Variants in VAC14 observed in about 807,000 individuals in gnomAD.
VAC14 encodes the protein VAC14 component of PIKFYVE complex, also known as protein VAC14 homolog.
In VAC14, 47 loss-of-function variants were observed where a neutral mutation model predicts 85.3. That is an observed-to-expected ratio of 0.55 (90% CI 0.44 to 0.70). VAC14 has a LOEUF of 0.70. Among genes scored for constraint, VAC14 ranks in the 30% least tolerant of loss-of-function variants. VAC14 has a pLI of 0.00. For missense variants in VAC14, 861 were observed against 1,004.3 expected (o/e 0.86, Z 1.93); for synonymous variants, 447 against 430.5 (o/e 1.04, Z -0.47).
At chr16:70,761,018 T>TGTGTGTGTGTGTGTGTGTGTGC (rs1555523169) in intron 12 of VAC14, 1 of 267,786 alleles carries the variant, frequency 3.7e-6, no homozygotes, top group East Asian at 1.1e-4. Context: ...TGTGTGTGTG[T>TGTGTGTGTGTGTGTGTGTGTGC]GCATGGGGGG....
chr16:70,786,144 A>AAGGC, intron 2 of VAC14, 71 bp downstream of exon 2: 1 of 1,570,844 alleles, frequency 6.4e-7, no homozygotes, highest in Non-Finnish European at 8.6e-7. Context: ...CTTGACAGGG[A>AAGGC]AGGCATCGGG....
chr16:70,770,877 G>A (rs1030132671), intron 10 of VAC14: 1 of 152,184 alleles, frequency 6.6e-6, no homozygotes, highest in Non-Finnish European at 1.5e-5. Context: ...CTGCACCTGC[G>A]TGCTTGGAAA....
At chr16:70,736,445 C>G (rs1368236046) in intron 13 of VAC14, among the ~76,000 whole-genome samples, 1 of 152,160 alleles carries the variant, frequency 6.6e-6, no homozygotes, top group Non-Finnish European at 1.5e-5. Context: ...AGTGCTCTAT[C>G]AGGATGCTCT....
Position 70,761,016 on chromosome 16 carries a change from T to TGTGTGTGTGTGTGTGTGTGTGC in VAC14, c.1371+1523_1371+1524insGCACACACACACACACACACAC, listed in dbSNP as rs1413571677. The TGTGTGTGTGTGTGTGTGTGTGC allele has an allele frequency of 2.2e-4, 65 of 300,922 alleles. 2 individuals are homozygous for TGTGTGTGTGTGTGTGTGTGTGC. The African/African-American group carries it at 2.5e-3, about 12-fold the overall frequency. The allele number at this position is 300,922 out of a possible 1,614,324, so 18.6% of individuals were successfully genotyped here. On this transcript the variant is annotated intron_variant, in intron 12 of 18. Transcript: ENST00000261776. ...GTGTGTGTGTGTGTGTGTGTGTGTG[T>TGTGTGTGTGTGTGTGTGTGTGC]GTGCATGGGGGGGCGGGGGGTAGGC...
At chr16:70,791,781 T>C (rs909020752) in intron 1 of VAC14, among the ~76,000 whole-genome samples, 1 of 152,168 alleles carries the variant, frequency 6.6e-6, no homozygotes, top group African/African-American at 2.4e-5. Context: ...TTGAGTGCAG[T>C]AGGTGGGGAA....
intron 1 of VAC14, among the ~76,000 whole-genome samples, chr16:70,792,509 T>C (rs1255896796): frequency 6.6e-6 from 1 of 152,206 alleles, no homozygotes; most frequent in African/African-American, 2.4e-5. Context: ...AGGTGTCCTC[T>C]AGAGGCTGCT....
At chr16:70,799,868 T>C (rs945013330) in intron 1 of VAC14, among the ~76,000 whole-genome samples, 3 of 152,258 alleles carry the variant, frequency 2.0e-5, no homozygotes, top group African/African-American at 7.2e-5. Flanking sequence ...CATGTGGCTA[T>C]TGAACACTTG....
chr16:70,789,455 G>A (rs1393342248), intron 1 of VAC14, among the ~76,000 whole-genome samples: 2 of 152,202 alleles, frequency 1.3e-5, no homozygotes, highest in Non-Finnish European at 2.9e-5. Context: ...TATGCAAGGA[G>A]GCCCAAGAAT....
chr16:70,779,062 G>C (rs767452139), intron 9 of VAC14: 1 of 152,306 alleles, frequency 6.6e-6, no homozygotes, highest in East Asian at 1.9e-4. Flanking sequence ...AATCGAACCC[G>C]GGCCTCCCGC....
At chr16:70,741,580 C>T (rs571885602) in intron 13 of VAC14, among the ~76,000 whole-genome samples, 2 of 152,318 alleles carry the variant, frequency 1.3e-5, no homozygotes, top group Admixed American at 1.3e-4. Context: ...AGCTCCTGGC[C>T]CAGAGAGTTG....
At chr16:70,714,106 GC>G (rs1295898230) in intron 14 of VAC14, 1 of 152,206 alleles carries the variant, frequency 6.6e-6, no homozygotes, top group African/African-American at 2.4e-5. Context: ...CAGGCCCAGG[GC>G]CCATCCTGGG....
chr16:70,693,402 C>T (rs767090866), intron 17 of VAC14, among the ~76,000 whole-genome samples: 10 of 152,174 alleles, frequency 6.6e-5, no homozygotes, highest in Admixed American at 3.9e-4. Context: ...CGTGCCAGCA[C>T]GGGAGAGCTA....
chr16:70,781,473 G>T lies in VAC14; in HGVS notation c.946+396C>A, dbSNP rs139650813. 6.3e-3 allele frequency among the ~76,000 whole-genome samples: 957 copies of T among 152,314 alleles called. 7 individuals are homozygous for T. Among genetic ancestry groups the T allele is most frequent in the Non-Finnish European group, 9.0e-3 (609 of 68,032 alleles). ...TCTCAGGGCTACGTTAGGCAGACAG[G>T]CTGTCCGAACTGAGCCCCTGCTCTC... On this transcript the variant is annotated intron_variant, in intron 8 of 18. Transcript: ENST00000261776.
chr16:70,797,019 G>A (rs2034574863), intron 1 of VAC14, among the ~76,000 whole-genome samples: 1 of 152,082 alleles, frequency 6.6e-6, no homozygotes, highest in African/African-American at 2.4e-5. Flanking sequence ...TTTCAGCCTA[G>A]GAGTTCAAGA....
intron 1 of VAC14, among the ~76,000 whole-genome samples, chr16:70,790,414 G>C (rs145580229): frequency 0.011 from 1,665 of 152,316 alleles, 8 homozygotes; most frequent in Non-Finnish European, 0.017. Context: ...CATGCAGCAA[G>C]GGACCCTGGA....
chr16:70,713,717 T>G (rs1275675137), intron 14 of VAC14, among the ~76,000 whole-genome samples: 6 of 151,578 alleles, frequency 4.0e-5, no homozygotes, highest in Admixed American at 6.6e-5. Context: ...TTGTTTTTTT[T>G]TTTTTTTGTA....
At chr16:70,731,254 G>A (rs1348027141) in intron 14 of VAC14, 50 of 1,266,318 alleles carry the variant, frequency 3.9e-5, no homozygotes, top group Non-Finnish European at 4.8e-5. Flanking sequence ...TAGTAACTCA[G>A]GAAGCAAAAA....
At chr16:70,792,255 G>C (rs2143326492) in intron 1 of VAC14, among the ~76,000 whole-genome samples, 1 of 152,316 alleles carries the variant, frequency 6.6e-6, no homozygotes, top group East Asian at 1.9e-4. Flanking sequence ...CCAGTTCCAG[G>C]TTTAGTGTCT....
chr16:70,748,701 CT>C (rs1234491468), intron 12 of VAC14, among the ~76,000 whole-genome samples: 2 of 152,166 alleles, frequency 1.3e-5, no homozygotes, highest in Non-Finnish European at 2.9e-5. Context: ...AATCCCAGCA[CT>C]TTGGGAGACC....
Sources: allele counts gnomAD v4.1 joint callset (sites outside exome capture counted in the v4.1 genomes callset), GRCh38; gene constraint gnomAD v4.1.1; transcripts MANE v1.5; gene names NCBI Gene and HGNC (gene_info 2026-07-23, HGNC 2026-07-21).